Variants in CFAP61 observed in about 807,000 individuals in gnomAD.
CFAP61 encodes the protein cilia and flagella associated protein 61.
In CFAP61, 107 loss-of-function variants were observed where a neutral mutation model predicts 135.6. The ratio of observed to expected loss-of-function variants is 0.79; its 90% CI spans 0.67 to 0.93. The LOEUF is 0.93. Ranked by LOEUF, CFAP61 falls within the 40% of genes least tolerant of loss-of-function variation. CFAP61 has a pLI of 0.00. For missense variants in CFAP61, 1,507 were observed against 1,556.2 expected (o/e 0.97, Z 0.53); for synonymous variants, 575 against 578.5 (o/e 0.99, Z 0.09).
rs2053835242 is a variant in CFAP61 at position 20,166,387 on chromosome 20, T to G, written c.1206-10T>G. On this transcript the variant is annotated splice_polypyrimidine_tract_variant and intron_variant, in intron 11 of 26. Coordinates refer to ENST00000245957, the MANE Select transcript of CFAP61 (RefSeq NM_015585.4). ...CAGGGCACTGACAGTGCTTACTGTCTTGTTTACAGGTCGCTGGATTTTATG... is the reference window on the plus strand; with the variant it reads ...CAGGGCACTGACAGTGCTTACTGTCGTGTTTACAGGTCGCTGGATTTTATG... 6.2e-7 allele frequency: 1 copy of G among 1,613,210 alleles called. No homozygotes were observed. Among genetic ancestry groups the G allele is most frequent in the Admixed American group, 1.7e-5 (1 of 59,984 alleles).
chr20:20,228,259 CT>C lies in CFAP61; in HGVS notation c.1946del (p.Leu649Ter). 1 of 1,608,440 alleles carries C rather than the reference CT, an allele frequency of 6.2e-7. No individual in the cohort carries two copies. Among genetic ancestry groups the C allele is most frequent in the Non-Finnish European group, 8.5e-7 (1 of 1,175,546 alleles). ...KAVSKDPMSY[A>X]LNHTNRKLTL... Reference sequence around the variant, plus strand: ...GTATTTTTTTTCCAGATGAGTTATGCTTTAAACCATACAAACAGAAAACTAA... The same window carrying C: ...GTATTTTTTTTCCAGATGAGTTATGCTTAAACCATACAAACAGAAAACTAA... On this transcript the variant is annotated frameshift_variant, in exon 18 of 27. Transcript: ENST00000245957. LOFTEE classifies it high-confidence loss of function.
At chr20:20,215,810 T>A (rs1348539851) in intron 17 of CFAP61, among the ~76,000 whole-genome samples, 1 of 150,344 alleles carries the variant, frequency 6.7e-6, no homozygotes, top group African/African-American at 2.4e-5. Context: ...GAAGACCTAT[T>A]TATATATATA....
At chr20:20,168,900 C>T (rs2146820816) in intron 12 of CFAP61, among the ~76,000 whole-genome samples, 1 of 152,220 alleles carries the variant, frequency 6.6e-6, no homozygotes, top group Admixed American at 6.5e-5. Context: ...CCTGAAGTAT[C>T]ATCCTCCCAT....
chr20:20,329,422 C>A (rs1484253956), intron 25 of CFAP61, among the ~76,000 whole-genome samples: 2 of 152,204 alleles, frequency 1.3e-5, no homozygotes, highest in African/African-American at 4.8e-5. Context: ...GGAATATCTG[C>A]AGATCTTTTT....
chr20:20,324,188 C>T (rs1047512754), intron 25 of CFAP61, among the ~76,000 whole-genome samples: 1 of 152,110 alleles, frequency 6.6e-6, no homozygotes, highest in African/African-American at 2.4e-5. Flanking sequence ...GAGACGTGCC[C>T]TCTTCCTTCA....
chr20:20,106,205 A>AG (rs765482887), intron 8 of CFAP61, among the ~76,000 whole-genome samples: 4 of 151,922 alleles, frequency 2.6e-5, no homozygotes, highest in East Asian at 3.9e-4. Flanking sequence ...CTGGACTGGT[A>AG]GGATACCAGG....
intron 3 of CFAP61, among the ~76,000 whole-genome samples, chr20:20,071,209 A>G (rs991969555): frequency 6.6e-6 from 1 of 152,230 alleles, no homozygotes; most frequent in African/African-American, 2.4e-5. Context: ...CAAGTTGGCT[A>G]GCCGCTGGCA....
rs552753297 is a variant in CFAP61 at position 20,238,687 on chromosome 20, T to C, written c.2061-7430T>C. ...AAGTTTTATGTTTCTTTTATCATGT[T>C]CACAATAAATGGGCAATGTGACCCT... On this transcript the variant is annotated intron_variant, in intron 18 of 26. Coordinates refer to ENST00000245957, the MANE Select transcript of CFAP61 (RefSeq NM_015585.4). Among the ~76,000 whole-genome samples the C allele has an allele frequency of 6.6e-5, 10 of 152,362 alleles. No individual in the cohort carries two copies. The South Asian group carries it at 1.7e-3, about 25-fold the overall frequency.
intron 17 of CFAP61, among the ~76,000 whole-genome samples, chr20:20,213,833 C>A (rs1413682849): frequency 6.6e-6 from 1 of 152,080 alleles, no homozygotes; most frequent in East Asian, 1.9e-4. Context: ...CTTTTTGTTT[C>A]TCTCCCCTTC....
chr20:20,165,888 GCCTTTCTA>G (rs1278109883), intron 11 of CFAP61, among the ~76,000 whole-genome samples: 1 of 152,062 alleles, frequency 6.6e-6, no homozygotes, highest in African/African-American at 2.4e-5. Context: ...ACCTTGTAAA[GCCTTTCTA>G]TATTTGTTGC....
intron 8 of CFAP61, among the ~76,000 whole-genome samples, chr20:20,106,000 C>CTATACATACATA (rs1277233037): frequency 1.9e-5 from 2 of 102,644 alleles, no homozygotes; most frequent in South Asian, 2.9e-4. Flanking sequence ...CTACTCTTGC[C>CTATACATACATA]TATATATATA....
At chr20:20,144,458 T>C (rs1330273670) in intron 9 of CFAP61, among the ~76,000 whole-genome samples, 2 of 152,162 alleles carry the variant, frequency 1.3e-5, no homozygotes, top group African/African-American at 4.8e-5. Context: ...AACTCCAGGT[T>C]AGGCATTGCA....
Position 20,278,782 on chromosome 20 carries a change from A to G in CFAP61, c.2796+1324A>G, listed in dbSNP as rs193176215. On this transcript the variant is annotated intron_variant, in intron 22 of 26. Coordinates refer to ENST00000245957, the MANE Select transcript of CFAP61 (RefSeq NM_015585.4). ...ACTAAAAAGGAAGATTTTTTTTAGA[A>G]TCTCTCATTTTATCCTGAGATCCAT... 1.6e-3 allele frequency among the ~76,000 whole-genome samples: 249 copies of G among 152,252 alleles called. 2 individuals are homozygous for G. The highest frequency in any genetic ancestry group is 4.4e-4 in the Non-Finnish European group (30 of 68,012).
At chr20:20,199,741 C>T in intron 16 of CFAP61, 27 bp from the exon 17 acceptor site, 2 of 1,613,470 alleles carry the variant, frequency 1.2e-6, no homozygotes, top group Non-Finnish European at 1.7e-6. Flanking sequence ...CATTCTCTCC[C>T]CTAAAATATA....
intron 16 of CFAP61, among the ~76,000 whole-genome samples, chr20:20,197,331 G>A (rs1034279607): frequency 2.0e-5 from 3 of 152,144 alleles, no homozygotes; most frequent in African/African-American, 4.8e-5. Flanking sequence ...TAATAGACGC[G>A]AATCTGATGT....
chr20:20,357,918 G>A (rs1323037238), intron 26 of CFAP61, among the ~76,000 whole-genome samples: 1 of 139,148 alleles, frequency 7.2e-6, no homozygotes, highest in East Asian at 2.3e-4. Context: ...TCACACTGAG[G>A]GGAGGTGGTC....
intron 3 of CFAP61, among the ~76,000 whole-genome samples, chr20:20,072,660 C>T (rs2045803181): frequency 6.6e-6 from 1 of 152,104 alleles, no homozygotes; most frequent in Non-Finnish European, 1.5e-5. Context: ...TTCAAGCTGT[C>T]TTCTATGACA....
chr20:20,134,470 A>T (rs769135552), intron 8 of CFAP61, among the ~76,000 whole-genome samples: 1 of 152,176 alleles, frequency 6.6e-6, no homozygotes, highest in African/African-American at 2.4e-5. Flanking sequence ...ATTCTATTCT[A>T]TTACATCGGT....
At chr20:20,078,363 T>C (rs6081868) in intron 6 of CFAP61, among the ~76,000 whole-genome samples, 62,713 of 152,016 alleles carry the variant, frequency 0.41, 14,631 homozygotes, top group Middle Eastern at 0.55. Flanking sequence ...GGTGCATAGA[T>C]ACAGAGAGAC....
Sources: allele counts gnomAD v4.1 joint callset (sites outside exome capture counted in the v4.1 genomes callset), GRCh38; gene constraint gnomAD v4.1.1; transcripts MANE v1.5; gene names NCBI Gene and HGNC (gene_info 2026-07-23, HGNC 2026-07-21).